WWOX: variants seen among roughly 807,000 people sequenced by gnomAD.
WWOX encodes the protein WW domain containing oxidoreductase.
In WWOX, 69 loss-of-function variants were observed where a neutral mutation model predicts 46.2. The observed-to-expected ratio is 1.49, with a 90% confidence interval of 1.23 to 1.82. WWOX has a LOEUF of 1.82. Among genes scored for constraint, WWOX ranks in the 40% most tolerant of loss-of-function variants. WWOX has a pLI of 0.00. For missense variants in WWOX, 919 were observed against 542.6 expected, an observed-to-expected ratio of 1.69 and a Z score of -6.89; for synonymous variants, 359 against 202.6, an observed-to-expected ratio of 1.77 and a Z score of -6.56.
At chr16:78,554,788 A>T (rs750296696) in intron 8 of WWOX, among the ~76,000 whole-genome samples, 3 of 152,126 alleles carry the variant, frequency 2.0e-5, no homozygotes, top group Non-Finnish European at 2.9e-5. Flanking sequence ...GGCTGCACCT[A>T]TCTGTCAGAA....
At chr16:78,550,618 G>C (rs1249748373) in intron 8 of WWOX, 2 of 152,166 alleles carry the variant, frequency 1.3e-5, no homozygotes, top group African/African-American at 2.4e-5. Context: ...ATTTTTGTCT[G>C]ACATAACTCA....
chr16:78,797,961 C>G (rs754156422), intron 8 of WWOX, among the ~76,000 whole-genome samples: 4 of 152,224 alleles, frequency 2.6e-5, no homozygotes, highest in Admixed American at 6.5e-5. Context: ...GCCCTCAACC[C>G]TGGGTGACAG....
At chr16:78,780,365 C>T (rs1182056968) in intron 8 of WWOX, 1 of 151,568 alleles carries the variant, frequency 6.6e-6, no homozygotes, top group East Asian at 1.9e-4. Flanking sequence ...TTAATTCATT[C>T]ATTCACTGGT....
rs1301825953 is a variant in WWOX at position 79,080,105 on chromosome 16, C to T, written c.1057-131503C>T. Among the ~76,000 whole-genome samples, 5 of 152,066 alleles carry T rather than the reference C, an allele frequency of 3.3e-5. No individual in the cohort carries two copies. In the East Asian group the frequency reaches 9.6e-4, roughly 29 times the overall value. On this transcript the variant is annotated intron_variant, in intron 8 of 8. Coordinates refer to ENST00000566780, the MANE Select transcript of WWOX (RefSeq NM_016373.4). ...GATTATTGGTTGTGAGTAATAGGAA[C>T]CTTTCAATCTAACTTAGGAAAAAAG...
intron 5 of WWOX, among the ~76,000 whole-genome samples, chr16:78,373,465 C>A (rs1233476686): frequency 1.3e-5 from 2 of 152,254 alleles, no homozygotes; most frequent in East Asian, 1.9e-4. Flanking sequence ...CTCTTCTGCT[C>A]AGTGACCATT....
chr16:79,075,116 T>C (rs1414293273), intron 8 of WWOX, among the ~76,000 whole-genome samples: 1 of 152,206 alleles, frequency 6.6e-6, no homozygotes, highest in Admixed American at 6.5e-5. Context: ...TCTCAAAATA[T>C]AATTCCTGAG....
intron 5 of WWOX, among the ~76,000 whole-genome samples, chr16:78,180,737 A>G (rs1173740268): frequency 6.8e-6 from 1 of 146,280 alleles, no homozygotes. Flanking sequence ...ATACATGAAT[A>G]CTAGTGGGTA....
At chr16:78,986,426 A>C (rs924816092) in intron 8 of WWOX, among the ~76,000 whole-genome samples, 1 of 152,182 alleles carries the variant, frequency 6.6e-6, no homozygotes, top group Admixed American at 6.5e-5. Context: ...TTCCATTTTT[A>C]GACTCCAGGC....
intron 8 of WWOX, among the ~76,000 whole-genome samples, chr16:78,452,787 C>G (rs951352021): frequency 2.0e-5 from 3 of 150,682 alleles, no homozygotes; most frequent in African/African-American, 7.4e-5. Flanking sequence ...TTAATAAATA[C>G]GTATTTATGT....
intron 8 of WWOX, among the ~76,000 whole-genome samples, chr16:79,154,725 G>A (rs987686122): frequency 6.6e-6 from 1 of 152,150 alleles, no homozygotes; most frequent in Non-Finnish European, 1.5e-5. Context: ...TGTGGATGGA[G>A]CCAGTTAAAC....
At chr16:78,279,566 A>G (rs1328567081) in intron 5 of WWOX, among the ~76,000 whole-genome samples, 1 of 152,148 alleles carries the variant, frequency 6.6e-6, no homozygotes, top group Non-Finnish European at 1.5e-5. Flanking sequence ...AGTTAGTTAA[A>G]TGCTATATGG....
chr16:78,741,948 A>G (rs1214893820), intron 8 of WWOX, among the ~76,000 whole-genome samples: 2 of 152,218 alleles, frequency 1.3e-5, no homozygotes, highest in African/African-American at 2.4e-5. Context: ...AGGATGTTCC[A>G]CATTTAACTG....
At chr16:78,495,636 G>A (rs1055058738) in intron 8 of WWOX, among the ~76,000 whole-genome samples, 2 of 151,590 alleles carry the variant, frequency 1.3e-5, no homozygotes, top group African/African-American at 4.8e-5. Context: ...AACCTCCCGA[G>A]TAGCTGGGAC....
chr16:79,092,051 G>T (rs1567544095), intron 8 of WWOX, among the ~76,000 whole-genome samples: 1 of 152,000 alleles, frequency 6.6e-6, no homozygotes, highest in South Asian at 2.1e-4. Flanking sequence ...AAAGTGCTGG[G>T]ATTACAGGTG....
At chr16:78,734,137 A>T (rs1487569420) in intron 8 of WWOX, among the ~76,000 whole-genome samples, 1 of 152,162 alleles carries the variant, frequency 6.6e-6, no homozygotes, top group Non-Finnish European at 1.5e-5. Flanking sequence ...ATGAAAACTA[A>T]AGCAAAAGAG....
chr16:78,955,844 A>G (rs113479060), intron 8 of WWOX, among the ~76,000 whole-genome samples: 2,070 of 151,678 alleles, frequency 0.014, 21 homozygotes, highest in Admixed American at 0.021. Flanking sequence ...AGGTCTCACT[A>G]TGTTTCCCAG....
intron 4 of WWOX, among the ~76,000 whole-genome samples, chr16:78,140,859 G>A (rs1273552444): frequency 1.3e-5 from 2 of 152,138 alleles, no homozygotes; most frequent in African/African-American, 4.8e-5. Flanking sequence ...CTATAAAAGA[G>A]ATGTTGCTTT....
chr16:78,263,675 C>G (rs1171999762), intron 5 of WWOX, among the ~76,000 whole-genome samples: 1 of 152,160 alleles, frequency 6.6e-6, no homozygotes, highest in Non-Finnish European at 1.5e-5. Context: ...CATTTTGTTC[C>G]ACTCAAATGT....
chr16:79,132,877 A>T (rs2049908952), intron 8 of WWOX, among the ~76,000 whole-genome samples: 1 of 152,166 alleles, frequency 6.6e-6, no homozygotes, highest in African/African-American at 2.4e-5. Context: ...ATATGCTTCA[A>T]ACCACGATTT....
Sources: allele counts gnomAD v4.1 joint callset (sites outside exome capture counted in the v4.1 genomes callset), GRCh38; gene constraint gnomAD v4.1.1; transcripts MANE v1.5; gene names NCBI Gene and HGNC (gene_info 2026-07-23, HGNC 2026-07-21).